Variants in FBXL20 observed in about 807,000 individuals in gnomAD.
FBXL20 encodes the protein F-box/LRR-repeat protein 20.
A neutral mutation model predicts 64.0 loss-of-function variants in FBXL20; 11 were observed. The ratio of observed to expected loss-of-function variants is 0.17; its 90% confidence interval spans 0.11 to 0.28. FBXL20 has a LOEUF of 0.28. Among genes scored for constraint, FBXL20 ranks in the 10% least tolerant of loss-of-function variants. FBXL20 has a pLI of 1.00. For synonymous variants in FBXL20, 184 were observed against 189.0 expected, an observed-to-expected ratio of 0.97 and a Z score of 0.22; for missense variants, 303 against 526.2, an observed-to-expected ratio of 0.58 and a Z score of 4.15.
intron 7 of FBXL20, among the ~76,000 whole-genome samples, chr17:39,283,781 A>T (rs2046967123): frequency 1.3e-5 from 2 of 152,158 alleles, no homozygotes; most frequent in African/African-American, 4.8e-5. Flanking sequence ...TGTTGATTCC[A>T]TCTACTCTTA....
chr17:39,296,578 A>G (rs897478910), intron 6 of FBXL20, among the ~76,000 whole-genome samples: 171 of 151,620 alleles, frequency 1.1e-3, no homozygotes, highest in African/African-American at 3.9e-3. Flanking sequence ...AAAAAAAAAA[A>G]AAAAAGAAAT....
Position 39,261,437 on chromosome 17 carries a change from G to A in FBXL20, c.*23C>T, listed in dbSNP as rs765305670. 13 of 1,581,920 alleles carry A rather than the reference G, an allele frequency of 8.2e-6. No homozygotes were observed. In the Admixed American group the frequency reaches 8.3e-5, roughly 10 times the overall value. On this transcript the variant is annotated 3_prime_UTR_variant, in exon 15 of 15. Coordinates refer to ENST00000264658, the MANE Select transcript of FBXL20 (RefSeq NM_032875.3). ...AGAAGTGTCATTAAATACTCAGTTC[G>A]CCAAGGTTGACCACCTCCATTGTCA... is the stretch of plus-strand genomic sequence containing the variant.
chr17:39,270,926 G>A (rs2046838263), intron 10 of FBXL20, 70 bp from the exon 11 acceptor site: 1 of 1,270,462 alleles, frequency 7.9e-7, no homozygotes. Context: ...TATTAAAACA[G>A]TAAGAATTTA....
intron 2 of FBXL20, among the ~76,000 whole-genome samples, chr17:39,314,793 T>C (rs1311197652): frequency 2.9e-5 from 4 of 136,160 alleles, no homozygotes; most frequent in Non-Finnish European, 4.6e-5. Flanking sequence ...CCATATCCTT[T>C]TCTTTTTTTT....
chr17:39,382,783 T>G (rs998192304), intron 1 of FBXL20, among the ~76,000 whole-genome samples: 12 of 151,892 alleles, frequency 7.9e-5, no homozygotes, highest in Admixed American at 3.9e-4. Context: ...CAGGCTGCAG[T>G]GAGCTATGAT....
chr17:39,287,207 G>A (rs943395481), intron 6 of FBXL20, among the ~76,000 whole-genome samples: 13 of 152,022 alleles, frequency 8.6e-5, no homozygotes, highest in East Asian at 1.9e-4. Flanking sequence ...CACCACGCCC[G>A]GCCTTGGTAT....
chr17:39,358,683 A>AAAAAAAAC (rs576688729), intron 1 of FBXL20, among the ~76,000 whole-genome samples: 54 of 152,056 alleles, frequency 3.6e-4, no homozygotes, highest in Admixed American at 1.3e-3. Context: ...CTCTGTCTCA[A>AAAAAAAAC]AAAAAAACAA....
At chr17:39,350,233 T>G (rs946738084) in intron 1 of FBXL20, among the ~76,000 whole-genome samples, 4 of 152,120 alleles carry the variant, frequency 2.6e-5, no homozygotes, top group Non-Finnish European at 4.4e-5. Context: ...GCACAGTAGC[T>G]CATGCCTGTA....
At position 39,328,306 on chromosome 17, in the gene FBXL20, T is replaced by TA. The variant is rs1205618349; in HGVS notation, c.104+14873dup. The stretch of plus-strand genomic sequence containing the variant: ...GTAGTTTATAAATACCATTCTCTAC[T>TA]AAAAAAAAATACAAGGGCTCCTTGG... On this transcript the variant is annotated intron_variant, in intron 2 of 14. Transcript: ENST00000264658. Among the ~76,000 whole-genome samples the TA allele has an allele frequency of 2.0e-4, 20 of 101,222 alleles. 1 individual carries two copies. The South Asian group carries it at 5.1e-3, about 26-fold the overall frequency. 66.4% of individuals were successfully genotyped at this position (101,222 alleles called of 152,430 possible). A position where few individuals can be genotyped will look rare whatever the true frequency, so the allele number is the denominator to read the frequency against.
intron 11 of FBXL20, among the ~76,000 whole-genome samples, chr17:39,269,839 G>A (rs2046827517): frequency 6.6e-6 from 1 of 152,058 alleles, no homozygotes; most frequent in South Asian, 2.1e-4. Flanking sequence ...CATGTTGCCC[G>A]GGCTGGGCTC....
intron 3 of FBXL20, among the ~76,000 whole-genome samples, 196 bp from the exon 4 acceptor site, chr17:39,301,271 C>T (rs948021101): frequency 2.0e-5 from 3 of 152,080 alleles, no homozygotes; most frequent in African/African-American, 4.8e-5. Context: ...ATCTCATAAA[C>T]GAGTGGGTAC....
intron 1 of FBXL20, among the ~76,000 whole-genome samples, chr17:39,380,051 C>A (rs1026213173): frequency 1.3e-5 from 2 of 152,096 alleles, no homozygotes; most frequent in African/African-American, 2.4e-5. Context: ...CCAATCACTT[C>A]TCCCTGTCTC....
At chr17:39,291,426 CTTTTCT>C (rs1373861247) in intron 6 of FBXL20, among the ~76,000 whole-genome samples, 2 of 140,434 alleles carry the variant, frequency 1.4e-5, no homozygotes, top group African/African-American at 5.4e-5. Context: ...GATTTTAAAA[CTTTTCT>C]TTTTTTTTTT....
intron 2 of FBXL20, among the ~76,000 whole-genome samples, chr17:39,307,325 G>C (rs1411070271): frequency 6.6e-6 from 1 of 152,132 alleles, no homozygotes; most frequent in African/African-American, 2.4e-5. Flanking sequence ...TAATGTGATA[G>C]AAGGGTGGTC....
rs1163916385 is a variant in FBXL20, at chr17:39,272,840, CA to C, written c.828-1985del. Among the ~76,000 whole-genome samples the C allele has an allele frequency of 3.3e-5, 5 of 151,926 alleles. No homozygotes were observed. In the East Asian group the frequency reaches 5.8e-4, roughly 18 times the overall value. On this transcript the variant is annotated intron_variant, in intron 10 of 14. Coordinates refer to ENST00000264658, the MANE Select transcript of FBXL20 (RefSeq NM_032875.3). ...ACAGTTGAGAGCTTTTCCATTCTAA[CA>C]ATGTAATGAACCATATAGGGAGATG... is the stretch of plus-strand genomic sequence containing the variant.
intron 5 of FBXL20, 153 bp from the exon 6 acceptor site, chr17:39,297,348 C>T (rs573047931): frequency 3.4e-5 from 15 of 446,236 alleles, no homozygotes; most frequent in South Asian, 2.4e-4. Context: ...TCTTCATCTT[C>T]GGTTCTTGGC....
chr17:39,347,286 G>A (rs201539908), intron 1 of FBXL20, among the ~76,000 whole-genome samples: 4 of 152,186 alleles, frequency 2.6e-5, no homozygotes, highest in African/African-American at 7.2e-5. Context: ...CACAATGGTT[G>A]AACTAGTTTA....
At chr17:39,402,527 G>A (rs910051829), upstream of FBXL20, 5 of 277,454 alleles carry the variant, frequency 1.8e-5, no homozygotes, top group African/African-American at 1.1e-4. Flanking sequence ...CTTTGGCCGG[G>A]GTCGGGGCGC....
At position 39,343,313 on chromosome 17, in the gene FBXL20, G is replaced by A. The variant is rs77919403; in HGVS notation, c.43-72C>T. ...ACAGAATGTTCAACTCAATAGTTTAGAGGCAATTCTCTCAGGAAAGAGGTA... is the reference window on the plus strand; with the variant it reads ...ACAGAATGTTCAACTCAATAGTTTAAAGGCAATTCTCTCAGGAAAGAGGTA... On this transcript the variant is annotated intron_variant, in intron 1 of 14. Transcript: ENST00000264658. 7.3e-3 allele frequency: 7,787 copies of A among 1,073,226 alleles called. 432 individuals carry two copies. In the African/African-American group the frequency reaches 0.11, roughly 16 times the overall value. 66.5% of individuals were successfully genotyped at this position (1,073,226 alleles called of 1,614,324 possible).
Sources: allele counts gnomAD v4.1 joint callset (sites outside exome capture counted in the v4.1 genomes callset), GRCh38; gene constraint gnomAD v4.1.1; transcripts MANE v1.5; gene names NCBI Gene and HGNC (gene_info 2026-07-23, HGNC 2026-07-21).